GALNT17: variants seen among roughly 807,000 people sequenced by gnomAD.
GALNT17 encodes polypeptide N-acetylgalactosaminyltransferase 17, also known as UDP-GalNAc:polypeptide N-acetylgalactosaminyltransferase-like 3.
GALNT17 carries 29 observed loss-of-function variants against 63.7 expected under a neutral mutation model. That is an observed-to-expected ratio of 0.46 (90% confidence interval 0.34 to 0.62). The LOEUF is 0.62. Among genes scored for constraint, GALNT17 ranks in the 20% least tolerant of loss-of-function variants. The pLI is 0.01. For missense variants in GALNT17, 603 were observed against 799.6 expected (o/e 0.75, Z 2.97); for synonymous variants, 305 against 318.3 (o/e 0.96, Z 0.45).
intron 1 of GALNT17, among the ~76,000 whole-genome samples, chr7:71,327,903 A>G (rs796182490): frequency 2.0e-5 from 3 of 152,328 alleles, no homozygotes; most frequent in African/African-American, 7.2e-5. Context: ...CAGTAGGGAA[A>G]GAGATGGGAG....
chr7:71,518,762 C>A (rs75597713), intron 5 of GALNT17, among the ~76,000 whole-genome samples: 7,880 of 152,268 alleles, frequency 0.052, 269 homozygotes, highest in Non-Finnish European at 0.079. Context: ...AAGATTAAAA[C>A]CTTTGCCTGG....
chr7:71,266,646 T>G (rs1790497338), intron 1 of GALNT17, among the ~76,000 whole-genome samples: 1 of 152,132 alleles, frequency 6.6e-6, no homozygotes, highest in Admixed American at 6.5e-5. Flanking sequence ...ATTTGCCATA[T>G]TGGGTAACAT....
chr7:71,134,991 A>G (rs1787756434), intron 1 of GALNT17, among the ~76,000 whole-genome samples: 1 of 151,890 alleles, frequency 6.6e-6, no homozygotes, highest in Admixed American at 6.6e-5. Context: ...AGCTGGGTCT[A>G]CAAGTGTGCA....
intron 6 of GALNT17, among the ~76,000 whole-genome samples, chr7:71,620,255 T>C (rs1790271487): frequency 6.6e-6 from 1 of 152,202 alleles, no homozygotes; most frequent in Non-Finnish European, 1.5e-5. Context: ...GTTTTCCTTC[T>C]TGTTGCATCT....
intron 1 of GALNT17, among the ~76,000 whole-genome samples, chr7:71,263,732 G>A (rs1790433246): frequency 6.6e-6 from 1 of 151,966 alleles, no homozygotes; most frequent in East Asian, 1.9e-4. Context: ...GACCATCCTG[G>A]CTAACACGGT....
chr7:71,259,638 G>GTTTTTTT lies in GALNT17; in HGVS notation c.239-75911_239-75905dup, dbSNP rs1219751607. 9.1e-4 allele frequency among the ~76,000 whole-genome samples: 125 copies of GTTTTTTT among 137,978 alleles called. 3 individuals carry two copies. The highest frequency in any genetic ancestry group is 3.1e-3 in the South Asian group (13 of 4,202). The allele number at this position is 137,978 out of a possible 152,430, so 90.5% of individuals were successfully genotyped here. A position where few individuals can be genotyped will look rare whatever the true frequency, so the allele number is the denominator to read the frequency against. On this transcript the variant is annotated intron_variant, in intron 1 of 10. Transcript: ENST00000333538. ...AGATCTTGGTCCTGTTTTGTTTTTT[G>GTTTTTTT]TTTTTTTGTTTTTTTTTTTTTGAGA...
chr7:71,341,358 A>G (rs945273894), intron 2 of GALNT17, among the ~76,000 whole-genome samples: 2 of 152,220 alleles, frequency 1.3e-5, no homozygotes, highest in African/African-American at 4.8e-5. Context: ...CAGAGAGAAC[A>G]GAGAGAAGAA....
chr7:71,221,667 T>A (rs1789586990), intron 1 of GALNT17, among the ~76,000 whole-genome samples: 1 of 152,190 alleles, frequency 6.6e-6, no homozygotes, highest in African/African-American at 2.4e-5. Context: ...TCAGCATGCT[T>A]CTGCAGTGGA....
chr7:71,254,624 T>C (rs1457048011), intron 1 of GALNT17, among the ~76,000 whole-genome samples: 1 of 152,160 alleles, frequency 6.6e-6, no homozygotes, highest in Non-Finnish European at 1.5e-5. Context: ...TCTGACCACC[T>C]AATTCCCATC....
intron 8 of GALNT17, among the ~76,000 whole-genome samples, chr7:71,670,545 T>C (rs961157683): frequency 4.6e-5 from 7 of 152,142 alleles, no homozygotes; most frequent in Non-Finnish European, 7.4e-5. Flanking sequence ...TCATATCACC[T>C]TTCTAAACCT....
At chr7:71,597,278 A>G (rs1282679431) in intron 6 of GALNT17, among the ~76,000 whole-genome samples, 1 of 152,096 alleles carries the variant, frequency 6.6e-6, no homozygotes, top group African/African-American at 2.4e-5. Flanking sequence ...TAACCTTGTG[A>G]TCCACCTGCC....
chr7:71,252,456 C>A (rs531800903), intron 1 of GALNT17, among the ~76,000 whole-genome samples: 3 of 152,032 alleles, frequency 2.0e-5, no homozygotes, highest in Non-Finnish European at 4.4e-5. Flanking sequence ...ACATGAGAGG[C>A]GGAGGCTGCA....
intron 5 of GALNT17, among the ~76,000 whole-genome samples, chr7:71,483,279 TG>T (rs1334074350): frequency 2.0e-5 from 3 of 152,132 alleles, no homozygotes; most frequent in Non-Finnish European, 1.5e-5. Flanking sequence ...AAGACCAGCC[TG>T]GGCAGCGTGG....
chr7:71,656,787 A>T (rs1425438294), intron 6 of GALNT17, among the ~76,000 whole-genome samples: 1 of 152,064 alleles, frequency 6.6e-6, no homozygotes, highest in African/African-American at 2.4e-5. Flanking sequence ...AGTGGTGAGG[A>T]TGGTGCCTGG....
intron 8 of GALNT17, among the ~76,000 whole-genome samples, chr7:71,674,334 A>G (rs1419321014): frequency 2.1e-5 from 3 of 146,160 alleles, no homozygotes; most frequent in Admixed American, 2.0e-4. Context: ...CAATTTTTAA[A>G]TAGCTCTTCC....
chr7:71,582,532 G>A (rs1789651611), intron 6 of GALNT17, among the ~76,000 whole-genome samples: 1 of 151,998 alleles, frequency 6.6e-6, no homozygotes, highest in Non-Finnish European at 1.5e-5. Flanking sequence ...AGTGAGCTGA[G>A]ATCGTGCCAC....
intron 1 of GALNT17, among the ~76,000 whole-genome samples, chr7:71,156,441 G>C (rs997850531): frequency 6.6e-6 from 1 of 151,782 alleles, no homozygotes; most frequent in Admixed American, 6.6e-5. Flanking sequence ...AAGCTGAATG[G>C]GTGAGTCTAA....
At chr7:71,478,807 G>T (rs4077592) in intron 5 of GALNT17, among the ~76,000 whole-genome samples, 1 of 152,010 alleles carries the variant, frequency 6.6e-6, no homozygotes, top group Non-Finnish European at 1.5e-5. Flanking sequence ...ATGACAAGAA[G>T]GAGAGACATT....
chr7:71,596,193 C>G (rs1019853380), intron 6 of GALNT17, among the ~76,000 whole-genome samples: 1 of 152,118 alleles, frequency 6.6e-6, no homozygotes, highest in East Asian at 1.9e-4. Context: ...TGCCCACCAC[C>G]ACTCCCAGCT....
Sources: allele counts gnomAD v4.1 joint callset (sites outside exome capture counted in the v4.1 genomes callset), GRCh38; gene constraint gnomAD v4.1.1; transcripts MANE v1.5; gene names NCBI Gene and HGNC (gene_info 2026-07-23, HGNC 2026-07-21).